Variants in SULT2B1 observed in about 807,000 individuals in gnomAD.
SULT2B1 encodes the protein sulfotransferase 2B1.
In SULT2B1, 16 loss-of-function variants were observed where a neutral mutation model predicts 33.2. The observed-to-expected ratio is 0.48, with a 90% CI of 0.33 to 0.73. The LOEUF is 0.73. Among genes scored for constraint, SULT2B1 ranks in the 30% least tolerant of loss-of-function variants. The pLI is 0.02. For synonymous variants in SULT2B1, 186 were observed against 200.5 expected (o/e 0.93, Z 0.61); for missense variants, 500 against 506.0 (o/e 0.99, Z 0.11).
At chr19:48,590,066 G>A (rs866281179) in intron 3 of SULT2B1, among the ~76,000 whole-genome samples, 26 of 152,050 alleles carry the variant, frequency 1.7e-4, no homozygotes, top group Non-Finnish European at 1.6e-4. Flanking sequence ...TGCAACCTCT[G>A]CCCCTCTGCC....
chr19:48,585,048 C>CAAAAAA (rs57540837), intron 2 of SULT2B1, among the ~76,000 whole-genome samples: 4 of 62,226 alleles, frequency 6.4e-5, no homozygotes, highest in African/African-American at 2.1e-4. Context: ...GACTCCTTCT[C>CAAAAAA]AAAAAAAAAA....
At chr19:48,582,449 C>G (rs1973505174) in intron 2 of SULT2B1, among the ~76,000 whole-genome samples, 2 of 150,250 alleles carry the variant, frequency 1.3e-5, no homozygotes, top group Admixed American at 1.3e-4. Flanking sequence ...ATTGAACACA[C>G]TTACCTCTAG....
intron 2 of SULT2B1, among the ~76,000 whole-genome samples, chr19:48,576,361 T>TTTC (rs1312947542): frequency 7.1e-5 from 8 of 112,560 alleles, no homozygotes; most frequent in East Asian, 2.4e-4. Flanking sequence ...CTACTTCTCT[T>TTTC]TTTTTTTTTT....
At chr19:48,588,804 T>A (rs1285927663) in intron 3 of SULT2B1, among the ~76,000 whole-genome samples, 1 of 151,592 alleles carries the variant, frequency 6.6e-6, no homozygotes, top group Non-Finnish European at 1.5e-5. Flanking sequence ...AGGAAGAGCA[T>A]TTCAGGCAAG....
chr19:48,555,590 T>TCTCTCTCTCTCTCTCTC (rs60898646), intron 1 of SULT2B1, among the ~76,000 whole-genome samples: 2 of 96,484 alleles, frequency 2.1e-5, no homozygotes, highest in African/African-American at 9.5e-5. Flanking sequence ...CTCTCTCTCT[T>TCTCTCTCTCTCTCTCTC]TTGAGACAGA....
chr19:48,568,145 C>G (rs1039405019), intron 1 of SULT2B1, among the ~76,000 whole-genome samples: 1 of 151,550 alleles, frequency 6.6e-6, no homozygotes, highest in African/African-American at 2.4e-5. Context: ...TGGTGGCACA[C>G]ACCTGTAGTC....
At chr19:48,558,496 GGGAGTCCCTGGCGCC>G (rs999756141) in intron 1 of SULT2B1, among the ~76,000 whole-genome samples, 3 of 152,114 alleles carry the variant, frequency 2.0e-5, no homozygotes, top group South Asian at 4.2e-4. Flanking sequence ...CTCTGATCTC[GGGAGTCCCTGGCGCC>G]GGCACCTTCT....
At chr19:48,596,961 C>T (rs758811349) in intron 6 of SULT2B1, 42 bp downstream of exon 6, 28 of 1,520,152 alleles carry the variant, frequency 1.8e-5, no homozygotes, top group South Asian at 4.9e-5. Context: ...GGCCACTGCC[C>T]GGCTGTGTGA....
intron 1 of SULT2B1, among the ~76,000 whole-genome samples, chr19:48,572,322 G>A (rs1295997070): frequency 6.6e-6 from 1 of 152,082 alleles, no homozygotes; most frequent in Non-Finnish European, 1.5e-5. Context: ...AGACCATCCT[G>A]GCTAACACAG....
chr19:48,560,527 A>G (rs1365853870), intron 1 of SULT2B1, among the ~76,000 whole-genome samples: 1 of 152,018 alleles, frequency 6.6e-6, no homozygotes, highest in Non-Finnish European at 1.5e-5. Flanking sequence ...GCCACCCTCC[A>G]TAGATATATA....
intron 2 of SULT2B1, among the ~76,000 whole-genome samples, chr19:48,585,772 A>G (rs938875930): frequency 2.0e-5 from 3 of 152,198 alleles, no homozygotes; most frequent in Non-Finnish European, 2.9e-5. Flanking sequence ...TGGCACATGT[A>G]TACATATGTA....
chr19:48,557,745 C>T (rs59886302), intron 1 of SULT2B1, among the ~76,000 whole-genome samples: 80 of 151,660 alleles, frequency 5.3e-4, no homozygotes, highest in African/African-American at 1.9e-3. Context: ...GGAGAAACCC[C>T]GTCTCTACTA....
chr19:48,562,386 C>CA (rs752412445), intron 1 of SULT2B1, among the ~76,000 whole-genome samples: 3,324 of 132,686 alleles, frequency 0.025, 68 homozygotes, highest in African/African-American at 0.067. Context: ...AACTCTGTCT[C>CA]AAAAAAAAAA....
chr19:48,556,743 G>C (rs1201570028), intron 1 of SULT2B1, among the ~76,000 whole-genome samples: 2 of 151,940 alleles, frequency 1.3e-5, no homozygotes, highest in Non-Finnish European at 2.9e-5. Flanking sequence ...TTGAGGTCAG[G>C]AGTTCAAGAC....
chr19:48,569,363 CATATATATATATATATAT>C (rs1159840741), intron 1 of SULT2B1, among the ~76,000 whole-genome samples: 14 of 33,274 alleles, frequency 4.2e-4, no homozygotes, highest in South Asian at 1.3e-3. Flanking sequence ...AAAAAAAAAA[CATATATATATATATATAT>C]ATATATATAT....
intron 1 of SULT2B1, among the ~76,000 whole-genome samples, chr19:48,568,317 C>G (rs1463635483): frequency 2.0e-5 from 3 of 151,498 alleles, no homozygotes; most frequent in African/African-American, 4.9e-5. Context: ...TAAAAAGGGC[C>G]GCAAAGGAGG....
In SULT2B1 at chr19:48,599,188, G is replaced by T. The variant is rs201648343; in HGVS notation, c.880G>T (p.Asp294Tyr). ...HFTVAQSEAFDRAYRKQMRGM... is the reference protein window; with the variant it reads ...HFTVAQSEAFYRAYRKQMRGM... ...CACGGTGGCCCAGAGCGAAGCCTTC[G>T]ATCGTGCCTACCGCAAGCAGATGCG... The change falls in exon 7 of 7, where the codon GAT becomes TAT. Residue 294 changes from aspartate to tyrosine, a missense_variant. Transcript: ENST00000201586. The surrounding 1 kb of genome is among the most constrained non-coding windows in gnomAD (Gnocchi z 4.1). 4 of 1,602,574 alleles carry T rather than the reference G, an allele frequency of 2.5e-6. No homozygotes were observed. Among genetic ancestry groups the T allele is most frequent in the Non-Finnish European group, 3.4e-6 (4 of 1,177,046 alleles).
At chr19:48,588,724 AAGG>A (rs1176516893) in intron 3 of SULT2B1, among the ~76,000 whole-genome samples, 2 of 151,932 alleles carry the variant, frequency 1.3e-5, no homozygotes, top group African/African-American at 4.8e-5. Flanking sequence ...AATTATAAAT[AAGG>A]AGGTCAAGGG....
chr19:48,563,503 C>T (rs886990179), intron 1 of SULT2B1, among the ~76,000 whole-genome samples: 12 of 152,144 alleles, frequency 7.9e-5, no homozygotes, highest in Admixed American at 6.6e-5. Context: ...TACACAGACA[C>T]GGAAAATGTC....
Sources: allele counts gnomAD v4.1 joint callset (sites outside exome capture counted in the v4.1 genomes callset), GRCh38; gene constraint gnomAD v4.1.1; non-coding constraint Gnocchi (gnomAD v3.1); transcripts MANE v1.5; gene names NCBI Gene and HGNC (gene_info 2026-07-23, HGNC 2026-07-21).